STXBP5L: variants seen among roughly 807,000 people sequenced by gnomAD.
The protein encoded by STXBP5L is syntaxin binding protein 5L.
STXBP5L carries 65 observed loss-of-function variants against 144.5 expected under a neutral mutation model. The ratio of observed to expected loss-of-function variants is 0.45; its 90% CI spans 0.37 to 0.55. The LOEUF is 0.55. Among genes scored for constraint, STXBP5L ranks in the 20% least tolerant of loss-of-function variants. STXBP5L has a pLI of 0.00. For missense variants in STXBP5L, 1,298 were observed against 1,405.5 expected (o/e 0.92, Z 1.22); for synonymous variants, 505 against 469.6 (o/e 1.08, Z -0.97).
chr3:121,056,403 TACTC>T (rs988039369), intron 5 of STXBP5L, among the ~76,000 whole-genome samples: 1 of 152,168 alleles, frequency 6.6e-6, no homozygotes, highest in Non-Finnish European at 1.5e-5. Flanking sequence ...TAATTTTTCT[TACTC>T]TAGTGTTCTG....
chr3:121,068,579 ACTT>A (rs2041658966), intron 5 of STXBP5L, among the ~76,000 whole-genome samples: 2 of 151,886 alleles, frequency 1.3e-5, no homozygotes, highest in South Asian at 4.1e-4. Flanking sequence ...TTCTTTTACC[ACTT>A]CTTTAATAAT....
intron 3 of STXBP5L, among the ~76,000 whole-genome samples, chr3:121,005,858 G>A (rs1474688646): frequency 6.6e-6 from 1 of 152,088 alleles, no homozygotes; most frequent in African/African-American, 2.4e-5. Context: ...GTAGTTGAGT[G>A]GTTTTGAGTG....
chr3:121,065,282 T>G (rs921549476), intron 5 of STXBP5L, among the ~76,000 whole-genome samples: 8 of 152,154 alleles, frequency 5.3e-5, no homozygotes, highest in African/African-American at 1.7e-4. Context: ...GGGTCAAATG[T>G]TTGCTCTGCT....
chr3:121,181,127 G>A (rs1451453554), intron 9 of STXBP5L, among the ~76,000 whole-genome samples: 6 of 123,358 alleles, frequency 4.9e-5, no homozygotes, highest in African/African-American at 1.5e-4. Flanking sequence ...AACAAAAGAA[G>A]AGAAAAGAAG....
intron 9 of STXBP5L, among the ~76,000 whole-genome samples, chr3:121,167,487 A>T (rs1488206229): frequency 1.3e-5 from 2 of 152,132 alleles, no homozygotes; most frequent in African/African-American, 4.8e-5. Flanking sequence ...ATCCCACTTT[A>T]GGGAAGTGGC....
intron 9 of STXBP5L, among the ~76,000 whole-genome samples, chr3:121,190,124 C>T (rs1236346422): frequency 6.6e-6 from 1 of 151,558 alleles, no homozygotes; most frequent in Non-Finnish European, 1.5e-5. Flanking sequence ...TTGGTAGGTT[C>T]ATAGGACAAT....
intron 9 of STXBP5L, among the ~76,000 whole-genome samples, chr3:121,204,616 T>C (rs2048265067): frequency 6.6e-6 from 1 of 152,118 alleles, no homozygotes; most frequent in Non-Finnish European, 1.5e-5. Flanking sequence ...AGATATGTAA[T>C]AGATAAACAA....
chr3:121,418,997 C>G (rs2047305351), intron 26 of STXBP5L, 59 bp from the exon 27 acceptor site: 1 of 1,561,830 alleles, frequency 6.4e-7, no homozygotes, highest in Non-Finnish European at 8.7e-7. Flanking sequence ...AATGGCCTTG[C>G]TTTGAATAGC....
chr3:121,011,285 A>T (rs1262285972), intron 3 of STXBP5L, among the ~76,000 whole-genome samples: 4 of 151,198 alleles, frequency 2.6e-5, no homozygotes, highest in Non-Finnish European at 3.0e-5. Flanking sequence ...ATTCGTTCTT[A>T]TATGCTATAC....
chr3:121,277,419 C>T (rs2050918951), intron 18 of STXBP5L, among the ~76,000 whole-genome samples: 1 of 152,016 alleles, frequency 6.6e-6, no homozygotes, highest in Non-Finnish European at 1.5e-5. Context: ...TTCTTTTCTA[C>T]TATAATGTCT....
chr3:121,196,328 G>C (rs944937965), intron 9 of STXBP5L, among the ~76,000 whole-genome samples: 1 of 151,668 alleles, frequency 6.6e-6, no homozygotes, highest in African/African-American at 2.4e-5. Flanking sequence ...TAGTAGAGAT[G>C]GGATTTCATC....
intron 5 of STXBP5L, among the ~76,000 whole-genome samples, chr3:121,065,748 C>A (rs529035851): frequency 6.6e-6 from 1 of 152,104 alleles, no homozygotes; most frequent in South Asian, 2.1e-4. Flanking sequence ...ATATTATTAG[C>A]TGACTTTTTT....
intron 20 of STXBP5L, among the ~76,000 whole-genome samples, chr3:121,339,631 C>T (rs148639889): frequency 3.3e-5 from 5 of 151,814 alleles, no homozygotes; most frequent in Non-Finnish European, 5.9e-5. Flanking sequence ...TTATATTTGC[C>T]GACGATATGA....
chr3:121,006,621 A>T (rs1227616829), intron 3 of STXBP5L, among the ~76,000 whole-genome samples: 1 of 152,184 alleles, frequency 6.6e-6, no homozygotes, highest in Non-Finnish European at 1.5e-5. Flanking sequence ...TTTGCTTGTT[A>T]GTTGATACAG....
At chr3:120,935,810 T>C (rs979110848) in intron 2 of STXBP5L, among the ~76,000 whole-genome samples, 1 of 152,108 alleles carries the variant, frequency 6.6e-6, no homozygotes, top group African/African-American at 2.4e-5. Flanking sequence ...CTCTTTGTCT[T>C]TGATCTTCTG....
intron 3 of STXBP5L, among the ~76,000 whole-genome samples, chr3:121,038,544 T>G (rs758122558): frequency 9.9e-5 from 15 of 151,964 alleles, no homozygotes; most frequent in Non-Finnish European, 2.1e-4. Flanking sequence ...ATTGTTTCTT[T>G]TATATTTCAA....
At chr3:121,072,715 G>A (rs1276098405) in intron 5 of STXBP5L, among the ~76,000 whole-genome samples, 1 of 152,172 alleles carries the variant, frequency 6.6e-6, no homozygotes, top group Non-Finnish European at 1.5e-5. Flanking sequence ...TTCTCTGTCT[G>A]CCTTTCTGTT....
intron 7 of STXBP5L, 141 bp downstream of exon 7, chr3:121,121,845 C>T (rs536630613): frequency 5.6e-4 from 277 of 491,210 alleles, no homozygotes; most frequent in African/African-American, 1.6e-3. Context: ...GTTGAATCAA[C>T]GAATGAGTAA....
At chr3:121,142,181 A>T (rs2045535619) in intron 7 of STXBP5L, among the ~76,000 whole-genome samples, 1 of 152,060 alleles carries the variant, frequency 6.6e-6, no homozygotes, top group Non-Finnish European at 1.5e-5. Context: ...GAAGGACAAT[A>T]AAAAGGTCTA....
Sources: gnomAD v4.1 joint callset for allele counts (sites outside exome capture counted in the v4.1 genomes callset) on GRCh38, gnomAD v4.1.1 for gene constraint, MANE v1.5 for transcripts, NCBI Gene and HGNC (gene_info 2026-07-23, HGNC 2026-07-21) for gene names.